The following OSBPL9 variants were observed in gnomAD, a reference collection of about 807,000 sequenced individuals.
OSBPL9 encodes the protein oxysterol binding protein like 9.
A neutral mutation model predicts 106.6 loss-of-function variants in OSBPL9; 40 were observed. The observed-to-expected ratio is 0.38, with a 90% CI of 0.29 to 0.49. The LOEUF (loss-of-function observed/expected upper bound fraction) is 0.49, where lower values mean the gene tolerates loss of function less well. Ranked by LOEUF, OSBPL9 falls within the 20% of genes least tolerant of loss-of-function variation. The pLI is 0.97. For synonymous variants in OSBPL9, 269 were observed against 295.4 expected, an observed-to-expected ratio of 0.91 and a Z score of 0.92; for missense variants, 609 against 887.2, an observed-to-expected ratio of 0.69 and a Z score of 3.98.
chr1:51,723,929 T>A (rs536020700), intron 4 of OSBPL9, among the ~76,000 whole-genome samples: 1 of 152,070 alleles, frequency 6.6e-6, no homozygotes, highest in Non-Finnish European at 1.5e-5. Flanking sequence ...GAATTCTAGG[T>A]TGGTATTTTT....
At chr1:51,543,942 T>G in the OSBPL9 span, among the ~76,000 whole-genome samples, 3 of 152,332 alleles carry the variant, frequency 2.0e-5, no homozygotes, top group Admixed American at 1.3e-4. Context: ...CAGCACACTT[T>G]AGGGAGAATG....
At chr1:51,617,085 GT>G (rs1644085229), upstream of OSBPL9, 2 of 1,444,722 alleles carry the variant, frequency 1.4e-6, no homozygotes, top group Non-Finnish European at 1.9e-6. Context: ...ACGTCAGGCC[GT>G]TTGTTGTCAT....
At chr1:51,667,225 T>C (rs1365126692) in intron 2 of OSBPL9, among the ~76,000 whole-genome samples, 2 of 152,230 alleles carry the variant, frequency 1.3e-5, no homozygotes, top group African/African-American at 4.8e-5. Context: ...ATAATACATA[T>C]ACTATGCAAT....
chr1:51,535,613 A>C, the OSBPL9 span, among the ~76,000 whole-genome samples: 1 of 151,888 alleles, frequency 6.6e-6, no homozygotes, highest in Non-Finnish European at 1.5e-5. Flanking sequence ...GCTGGAGTGC[A>C]TTGGGCTGAT....
At chr1:51,698,846 G>A (rs2148847607) in intron 3 of OSBPL9, among the ~76,000 whole-genome samples, 1 of 152,246 alleles carries the variant, frequency 6.6e-6, no homozygotes, top group South Asian at 2.1e-4. Context: ...GTTTTGAATT[G>A]TGTATATCAT....
intron 2 of OSBPL9, among the ~76,000 whole-genome samples, chr1:51,658,089 C>G (rs530410648): frequency 2.3e-4 from 34 of 146,738 alleles, no homozygotes; most frequent in Admixed American, 1.0e-3. Flanking sequence ...GCCTGGGTAA[C>G]AGAGCAAGAC....
intron 3 of OSBPL9, among the ~76,000 whole-genome samples, chr1:51,682,743 C>T (rs561562416): frequency 6.6e-6 from 1 of 150,994 alleles, no homozygotes; most frequent in Non-Finnish European, 1.5e-5. Flanking sequence ...GGCAACAGAG[C>T]GAGACTCCAT....
rs544965340 is a variant in OSBPL9 at position 51,583,203 on chromosome 1, G to A, written c.-423+5947G>A. Among the ~76,000 whole-genome samples, 9 of 152,216 alleles carry A rather than the reference G, an allele frequency of 5.9e-5. No homozygotes were observed. In the South Asian group the frequency reaches 1.0e-3, roughly 18 times the overall value. ...ACATATGGTGGCTAGCCTCTATGCC[G>A]AGATAAGATTTGAATAGAGATTGAC... On this transcript the variant is annotated intron_variant, in intron 1 of 25. Coordinates refer to the OSBPL9 transcript ENST00000371714.
intron 6 of OSBPL9, among the ~76,000 whole-genome samples, chr1:51,747,800 T>A (rs1668341204): frequency 6.6e-6 from 1 of 152,126 alleles, no homozygotes; most frequent in African/African-American, 2.4e-5. Flanking sequence ...TGTTTTTTGT[T>A]TTGTTTTGAG....
chr1:51,755,597 C>T (rs924455363), intron 8 of OSBPL9, among the ~76,000 whole-genome samples: 3 of 152,194 alleles, frequency 2.0e-5, no homozygotes, highest in Admixed American at 1.3e-4. Context: ...GTTCGCCACG[C>T]GATCACAAGG....
At chr1:51,746,054 C>T (rs1189734132) in intron 5 of OSBPL9, among the ~76,000 whole-genome samples, 15 of 152,086 alleles carry the variant, frequency 9.9e-5, no homozygotes, top group East Asian at 1.9e-4. Flanking sequence ...CTCCGCCTCC[C>T]GGGTTCAAGC....
At chr1:51,773,268 A>G (rs895967094) in intron 14 of OSBPL9, among the ~76,000 whole-genome samples, 3 of 152,122 alleles carry the variant, frequency 2.0e-5, no homozygotes, top group Non-Finnish European at 4.4e-5. Context: ...CAAAATTACC[A>G]TAGTCTGGAT....
chr1:51,601,973 C>T (rs1333617935), intron 2 of OSBPL9, among the ~76,000 whole-genome samples: 2 of 151,094 alleles, frequency 1.3e-5, no homozygotes, highest in Non-Finnish European at 2.9e-5. Flanking sequence ...TCCCGTCTGC[C>T]TGGCTGTCTC....
the OSBPL9 span, among the ~76,000 whole-genome samples, chr1:51,546,651 C>T: frequency 2.7e-5 from 4 of 150,672 alleles, no homozygotes; most frequent in Non-Finnish European, 4.4e-5. Context: ...GAGCCGAGAT[C>T]GTGCCACTGC....
intron 1 of OSBPL9, chr1:51,577,275 G>A (rs1227175318): frequency 6.8e-6 from 1 of 146,802 alleles, no homozygotes; most frequent in Non-Finnish European, 1.5e-5. Context: ...ATTAAGCCTC[G>A]TTTCTTTATA....
At chr1:51,648,369 C>T (rs1016677911) in intron 1 of OSBPL9, among the ~76,000 whole-genome samples, 6 of 152,270 alleles carry the variant, frequency 3.9e-5, no homozygotes, top group South Asian at 4.1e-4. Flanking sequence ...TTGCTTTCTT[C>T]GCATAGAAGG....
chr1:51,734,375 C>T (rs752642334), intron 4 of OSBPL9, among the ~76,000 whole-genome samples: 3 of 152,204 alleles, frequency 2.0e-5, no homozygotes, highest in Non-Finnish European at 4.4e-5. Context: ...GTCTTTCTCA[C>T]TCAGTTTCAA....
chr1:51,637,287 TCAAGAAC>T (rs920814798), intron 1 of OSBPL9, among the ~76,000 whole-genome samples: 8 of 152,076 alleles, frequency 5.3e-5, no homozygotes, highest in African/African-American at 1.9e-4. Flanking sequence ...GGTCAGGAGT[TCAAGAAC>T]AGCCTGACTA....
chr1:51,585,075 G>C (rs1645240112), intron 1 of OSBPL9, among the ~76,000 whole-genome samples: 1 of 151,964 alleles, frequency 6.6e-6, no homozygotes, highest in Non-Finnish European at 1.5e-5. Context: ...TCAAGAGGCT[G>C]AGGTGGGAGG....
Sources: gnomAD v4.1 joint callset for allele counts (sites outside exome capture counted in the v4.1 genomes callset) on GRCh38, gnomAD v4.1.1 for gene constraint, MANE v1.5 for transcripts, NCBI Gene and HGNC (gene_info 2026-07-23, HGNC 2026-07-21) for gene names.